CUL5: variants seen among roughly 807,000 people sequenced by gnomAD.
CUL5 encodes the protein cullin 5.
In CUL5, 26 loss-of-function variants were observed where a neutral mutation model predicts 108.8. That is an observed-to-expected ratio of 0.24 (90% CI 0.18 to 0.33). The LOEUF is 0.33. Ranked by LOEUF, CUL5 falls within the 10% of genes least tolerant of loss-of-function variation. CUL5 has a pLI of 1.00. For synonymous variants in CUL5, 334 were observed against 298.0 expected (o/e 1.12, Z -1.25); for missense variants, 524 against 909.2 (o/e 0.58, Z 5.45).
Position 108,101,253 on chromosome 11 carries a change from G to C in CUL5, c.2148+2724G>C, listed in dbSNP as rs554896390. On this transcript the variant is annotated intron_variant, in intron 18 of 18. Transcript: ENST00000393094. The stretch of plus-strand genomic sequence containing the variant: ...GCATCTGGATATATTGAGTGTGAGA[G>C]GGATTTGCTTGACTGGTAATGACAG... Among the ~76,000 whole-genome samples the C allele has an allele frequency of 3.9e-5, 6 of 152,314 alleles. No individual in the cohort carries two copies. In the East Asian group the frequency reaches 1.2e-3, roughly 29 times the overall value.
At chr11:108,100,819 A>G (rs1260540096) in intron 18 of CUL5, among the ~76,000 whole-genome samples, 1 of 152,170 alleles carries the variant, frequency 6.6e-6, no homozygotes, top group Non-Finnish European at 1.5e-5. Flanking sequence ...TCACAAGGCC[A>G]GGAGATCGAG....
At chr11:108,053,091 T>C (rs528015818) in intron 5 of CUL5, among the ~76,000 whole-genome samples, 2 of 152,186 alleles carry the variant, frequency 1.3e-5, no homozygotes, top group Non-Finnish European at 2.9e-5. Flanking sequence ...AGGTAACTAG[T>C]TCATTAAAAG....
chr11:108,052,871 A>G (rs1863270457), intron 5 of CUL5, 70 bp downstream of exon 5: 1 of 1,342,804 alleles, frequency 7.4e-7, no homozygotes, highest in African/African-American at 1.5e-5. Context: ...GGAATAGCAC[A>G]ATCAAAGTTA....
At chr11:108,041,202 G>C (rs531010331) in intron 2 of CUL5, among the ~76,000 whole-genome samples, 4 of 151,944 alleles carry the variant, frequency 2.6e-5, no homozygotes, top group Non-Finnish European at 5.9e-5. Flanking sequence ...CCAGCTTTCT[G>C]TAGCCCATTT....
At position 108,105,938 on chromosome 11, in the gene CUL5, G is replaced by A. The variant is rs574128848; in HGVS notation, c.*1554G>A. The A allele has an allele frequency of 4.1e-4, 62 of 152,236 alleles. No individual in the cohort carries two copies. Among genetic ancestry groups the A allele is most frequent in the Middle Eastern group, 3.4e-3 (1 of 294 alleles). The allele number at this position is 152,236 out of a possible 1,614,324, so 9.4% of individuals were successfully genotyped here. A position where few individuals can be genotyped will look rare whatever the true frequency, so the allele number is the denominator to read the frequency against. Reference sequence around the variant, plus strand: ...TCCGAAGAGGCTTTGTGAACTGCCTGCTGAATGGAAGGAAAGCAACTTTAA... The same window carrying A: ...TCCGAAGAGGCTTTGTGAACTGCCTACTGAATGGAAGGAAAGCAACTTTAA... On this transcript the variant is annotated 3_prime_UTR_variant, in exon 19 of 19. Transcript: ENST00000393094.
intron 10 of CUL5, among the ~76,000 whole-genome samples, chr11:108,075,721 T>C (rs1863925244): frequency 6.6e-6 from 1 of 152,154 alleles, no homozygotes; most frequent in African/African-American, 2.4e-5. Flanking sequence ...AGTTTTTCTA[T>C]AGAGACAACA....
rs1246641048 is a variant in CUL5 at position 108,009,181 on chromosome 11, G to A, written c.-168G>A. ...GGGGAGAAGAGTGAGGAAGCTCCTG[G>A]TGCTTGGGACGAGGTCAGCGCTGTC... On this transcript the variant is annotated 5_prime_UTR_variant, in exon 1 of 19. In the 5' UTR this introduces an upstream ATG that the reference lacks. Coordinates refer to ENST00000393094, the MANE Select transcript of CUL5 (RefSeq NM_003478.6). The A allele has an allele frequency of 9.1e-6, 6 of 661,356 alleles. No homozygotes were observed. Among genetic ancestry groups the A allele is most frequent in the Non-Finnish European group, 2.7e-6 (1 of 374,202 alleles). The allele number at this position is 661,356 out of a possible 1,614,324, so 41.0% of individuals were successfully genotyped here.
In CUL5 at chr11:108,049,952, G is replaced by A. The variant is rs765653262; in HGVS notation, c.297G>A (p.Lys99=). 2 of 1,613,712 alleles carry A rather than the reference G, an allele frequency of 1.2e-6. No homozygotes were observed. The highest frequency in any genetic ancestry group is 1.7e-5 in the Admixed American group (1 of 59,972). The part of the protein sequence containing the change: ...LLKAYIVEWR[K]FFTQCDILPK... ...AAGCATATATTGTTGAATGGCGAAAGTTCTTTACACAATGTGATATTTTAC... is the reference window on the plus strand; with the variant it reads ...AAGCATATATTGTTGAATGGCGAAAATTCTTTACACAATGTGATATTTTAC... Residue 99 remains lysine (K), a synonymous_variant, in exon 4 of 19, where the codon AAG becomes AAA. Transcript: ENST00000393094.
chr11:108,045,612 C>T (rs138322707), intron 2 of CUL5, among the ~76,000 whole-genome samples: 5 of 151,880 alleles, frequency 3.3e-5, no homozygotes, highest in African/African-American at 1.2e-4. Flanking sequence ...CTTTTAATTC[C>T]AGCACTTTGG....
chr11:108,055,855 G>T (rs758295121), intron 7 of CUL5, among the ~76,000 whole-genome samples: 1 of 152,040 alleles, frequency 6.6e-6, no homozygotes, highest in African/African-American at 2.4e-5. Context: ...GATCTTGAAC[G>T]CCTAAGCTCA....
Position 108,046,191 on chromosome 11 carries a change from G to A in CUL5, c.135-79G>A, listed in dbSNP as rs1165133582. ...GGTTCTAATATGGCCCATGGAAACT[G>A]TACTGAAATAGAATTTAAGATGTTT... On this transcript the variant is annotated intron_variant, in intron 2 of 18. Transcript: ENST00000393094. 3 of 1,023,478 alleles carry A rather than the reference G, an allele frequency of 2.9e-6. No individual in the cohort carries two copies. In the Admixed American group the frequency reaches 6.6e-5, roughly 22 times the overall value. The allele number at this position is 1,023,478 out of a possible 1,614,324, so 63.4% of individuals were successfully genotyped here. A position where few individuals can be genotyped will look rare whatever the true frequency, so the allele number is the denominator to read the frequency against.
intron 18 of CUL5, among the ~76,000 whole-genome samples, chr11:108,103,510 G>A (rs1308160978): frequency 6.6e-6 from 1 of 151,888 alleles, no homozygotes; most frequent in Non-Finnish European, 1.5e-5. Flanking sequence ...AATATATAAA[G>A]AGTACTACTT....
intron 13 of CUL5, among the ~76,000 whole-genome samples, chr11:108,092,546 A>G (rs1864385859): frequency 6.6e-6 from 1 of 152,220 alleles, no homozygotes; most frequent in Non-Finnish European, 1.5e-5. Context: ...ACATGCTGCA[A>G]TATTAGGTGA....
intron 3 of CUL5, 41 bp downstream of exon 3, chr11:108,046,410 C>A: frequency 9.0e-7 from 1 of 1,111,190 alleles, no homozygotes; most frequent in Non-Finnish European, 1.3e-6. Context: ...TTTAAAACTA[C>A]TCAGATAATA....
intron 1 of CUL5, among the ~76,000 whole-genome samples, chr11:108,026,946 G>C (rs182249650): frequency 7.1e-6 from 1 of 141,264 alleles, no homozygotes; most frequent in Admixed American, 7.4e-5. Context: ...CAGAGATCAC[G>C]CCACTGCACT....
intron 11 of CUL5, among the ~76,000 whole-genome samples, chr11:108,081,992 G>A (rs888562107): frequency 1.3e-5 from 2 of 152,006 alleles, no homozygotes; most frequent in Admixed American, 6.6e-5. Context: ...TTCCATTTTT[G>A]TGAAAAAGAC....
intron 9 of CUL5, among the ~76,000 whole-genome samples, chr11:108,073,070 C>T (rs1364534724): frequency 6.6e-6 from 1 of 151,680 alleles, no homozygotes; most frequent in Non-Finnish European, 1.5e-5. Flanking sequence ...GGCGGGGTGG[C>T]GGGCGCCTAT....
intron 1 of CUL5, among the ~76,000 whole-genome samples, chr11:108,014,024 A>G (rs1862120011): frequency 1.3e-5 from 2 of 152,228 alleles, no homozygotes; most frequent in African/African-American, 2.4e-5. Context: ...GGAATTTACC[A>G]TATGCTAAAG....
chr11:108,070,639 C>CA (rs1286824203), intron 8 of CUL5, among the ~76,000 whole-genome samples: 1 of 151,214 alleles, frequency 6.6e-6, no homozygotes, highest in Non-Finnish European at 1.5e-5. Flanking sequence ...TTTATTACTT[C>CA]AATGTTTTCT....
Sources: allele counts gnomAD v4.1 joint callset (sites outside exome capture counted in the v4.1 genomes callset), GRCh38; gene constraint gnomAD v4.1.1; transcripts MANE v1.5; gene names NCBI Gene and HGNC (gene_info 2026-07-23, HGNC 2026-07-21).